The following ATP8B2 variants were observed in gnomAD, a reference collection of about 807,000 sequenced individuals.
ATP8B2 encodes the protein phospholipid-transporting ATPase ID.
ATP8B2 carries 70 observed loss-of-function variants against 133.4 expected under a neutral mutation model. That is an observed-to-expected ratio of 0.52 (90% CI 0.43 to 0.64). The LOEUF is 0.64. Ranked by LOEUF, ATP8B2 falls within the 30% of genes least tolerant of loss-of-function variation. ATP8B2 has a pLI of 0.00. For synonymous variants in ATP8B2, 517 were observed against 589.5 expected (o/e 0.88, Z 1.78); for missense variants, 1,101 against 1,535.7 (o/e 0.72, Z 4.73).
At chr1:154,338,019 A>C (rs767804) in intron 12 of ATP8B2, among the ~76,000 whole-genome samples, 18,997 of 152,276 alleles carry the variant, frequency 0.12, 1,266 homozygotes, top group Middle Eastern at 0.19. Flanking sequence ...GCAGATGGAT[A>C]GGTCGAGGAG....
rs1037745120 is a variant in ATP8B2 at position 154,331,196 on chromosome 1, C to T, written c.303+50C>T. ...TTGTCCCAGTCACCCACCCCTACTC[C>T]CAGCCCCACCCCCATCTCATGGCCA... On this transcript the variant is annotated intron_variant, in intron 5 of 27. Transcript: ENST00000368489. The surrounding 1 kb of genome is among the most constrained non-coding windows in gnomAD (Gnocchi z 4.8). The T allele has an allele frequency of 2.0e-6, 3 of 1,513,602 alleles. No homozygotes were observed. Among genetic ancestry groups the T allele is most frequent in the Non-Finnish European group, 2.7e-6 (3 of 1,097,286 alleles). 93.8% of individuals were successfully genotyped at this position (1,513,602 alleles called of 1,614,324 possible). A position where few individuals can be genotyped will look rare whatever the true frequency, so the allele number is the denominator to read the frequency against.
chr1:154,344,157 G>A lies in ATP8B2; in HGVS notation c.1938G>A (p.Thr646=), dbSNP rs748370624. 50 of 1,614,088 alleles carry A rather than the reference G, an allele frequency of 3.1e-5. 1 individual carries two copies. The highest frequency in any genetic ancestry group is 2.7e-4 in the South Asian group (25 of 91,090). ...GGTATTTTCAGCTGCTGGGTGCAAC[G>A]GCCATTGAGGACAAACTTCAGCAAG... ...VENNMMLLGA[T]AIEDKLQQGV... is the part of the protein sequence containing the mutation. Residue 646 remains threonine, a synonymous_variant, in exon 19 of 28, where the codon ACG becomes ACA. Coordinates refer to ENST00000368489, the MANE Select transcript of ATP8B2 (RefSeq NM_001370597.1). The surrounding 1 kb of genome is among the most constrained non-coding windows in gnomAD (Gnocchi z 4.1).
intron 11 of ATP8B2, among the ~76,000 whole-genome samples, chr1:154,335,481 T>C (rs1686146528): frequency 1.3e-5 from 2 of 149,508 alleles, no homozygotes; most frequent in African/African-American, 4.9e-5. Context: ...CATTTGAGCC[T>C]AGGAGTTCGA....
chr1:154,330,434 A>C lies in ATP8B2; in HGVS notation c.70A>C (p.Asn24His). ...RRARANDREYNEKFQYASNCI... is the reference protein window; with the variant it reads ...RRARANDREYHEKFQYASNCI... Reference sequence around the variant, plus strand: ...GGCGCGGGCTAATGACCGAGAATACAATGAGAAATTCCAGTATGCGGTAAG... The same window carrying C: ...GGCGCGGGCTAATGACCGAGAATACCATGAGAAATTCCAGTATGCGGTAAG... The change falls in exon 3 of 28, where the codon AAT becomes CAT. Residue 24 changes from asparagine to histidine, a missense_variant. By Grantham distance (68) the Asn-to-His change is moderately conservative. Coordinates refer to ENST00000368489, the MANE Select transcript of ATP8B2 (RefSeq NM_001370597.1). 6.2e-7 allele frequency: 1 copy of C among 1,614,050 alleles called. No individual in the cohort carries two copies. The highest frequency in any genetic ancestry group is 1.1e-5 in the South Asian group (1 of 91,084).
rs760346202 is a variant in ATP8B2 at position 154,348,795 on chromosome 1, A to G, written c.3295-45A>G. ...GGTCCCTTCTCCTTGGCGATATCTG[A>G]CACCTCCACGCTGACAGAGGGCTCT... On this transcript the variant is annotated intron_variant, in intron 27 of 27. Coordinates refer to ENST00000368489, the MANE Select transcript of ATP8B2 (RefSeq NM_001370597.1). 4 of 1,521,500 alleles carry G rather than the reference A, an allele frequency of 2.6e-6. No homozygotes were observed. The Admixed American group carries it at 8.1e-5, about 31-fold the overall frequency. 94.2% of individuals were successfully genotyped at this position (1,521,500 alleles called of 1,614,324 possible). A position where few individuals can be genotyped will look rare whatever the true frequency, so the allele number is the denominator to read the frequency against.
rs1686744578 is a variant in ATP8B2 at position 154,350,364 on chromosome 1, C to T, written c.*1246C>T. 6.6e-6 allele frequency: 1 copy of T among 152,228 alleles called. No homozygotes were observed. Among genetic ancestry groups the T allele is most frequent in the African/African-American group, 2.4e-5 (1 of 41,428 alleles). The allele number at this position is 152,228 out of a possible 1,614,324, so 9.4% of individuals were successfully genotyped here. A position where few individuals can be genotyped will look rare whatever the true frequency, so the allele number is the denominator to read the frequency against. On this transcript the variant is annotated 3_prime_UTR_variant, in exon 28 of 28. Transcript: ENST00000368489. ...GATTACAGGCGTGAGCCACCACACC[C>T]AGCTCAGGGAGGCGTAGTTTTCTTT...
chr1:154,330,359 GT>G, intron 2 of ATP8B2, 36 bp from the exon 3 acceptor site: 1 of 1,601,380 alleles, frequency 6.2e-7, no homozygotes, highest in Non-Finnish European at 8.5e-7. Flanking sequence ...CCAGACCTCA[GT>G]TTGCTCCTCC....
chr1:154,337,807 G>A, intron 12 of ATP8B2: 2 of 1,299,102 alleles, frequency 1.5e-6, no homozygotes, highest in South Asian at 1.7e-5. Flanking sequence ...GTACAAAGAA[G>A]TGTGCTAGGT....
rs1432134709 is a variant in ATP8B2, at chr1:154,345,677, G to A, written c.2695-123G>A. 3.0e-6 allele frequency: 4 copies of A among 1,315,492 alleles called. No individual in the cohort carries two copies. In the African/African-American group the frequency reaches 5.9e-5, roughly 19 times the overall value. The allele number at this position is 1,315,492 out of a possible 1,614,324, so 81.5% of individuals were successfully genotyped here. On this transcript the variant is annotated intron_variant, in intron 23 of 27. Coordinates refer to ENST00000368489, the MANE Select transcript of ATP8B2 (RefSeq NM_001370597.1). The surrounding 1 kb of genome is among the most constrained non-coding windows in gnomAD (Gnocchi z 5.6). ...ATACTCTTAAAAAATGCTTATTAAA[G>A]GAGGAGAGAAGGAGCCTCAGAAAAT...
intron 11 of ATP8B2, among the ~76,000 whole-genome samples, chr1:154,335,224 T>C (rs1011399794): frequency 6.6e-6 from 1 of 152,202 alleles, no homozygotes; most frequent in Non-Finnish European, 1.5e-5. Context: ...CGAGGTTGTC[T>C]ATCACATAAG....
At chr1:154,333,414 G>T (rs1053434276) in intron 9 of ATP8B2, among the ~76,000 whole-genome samples, 3 of 151,484 alleles carry the variant, frequency 2.0e-5, no homozygotes, top group Admixed American at 2.0e-4. Context: ...TGAGGCATGA[G>T]AGTTGCTTGA....
rs747730826 is a variant in ATP8B2, at chr1:154,343,524, C to T, written c.1714C>T (p.His572Tyr). The T allele has an allele frequency of 1.2e-5, 20 of 1,613,984 alleles. No homozygotes were observed. Among genetic ancestry groups the T allele is most frequent in the Middle Eastern group, 1.6e-4 (1 of 6,084 alleles). Residue 572 changes from histidine (H) to tyrosine (Y), a missense_variant, in exon 17 of 28, where the codon CAC (histidine) becomes TAC (tyrosine). His to Tyr is a moderately conservative substitution (Grantham distance 83, BLOSUM62 2). Transcript: ENST00000368489. The surrounding 1 kb of genome is among the most constrained non-coding windows in gnomAD (Gnocchi z 5.8). Reference sequence around the variant, plus strand: ...CACTATCCTACTGGACAGACTGCACCACTCCACTCAAGAGCTGCTCAACAC... The same window carrying T: ...CACTATCCTACTGGACAGACTGCACTACTCCACTCAAGAGCTGCTCAACAC... ...ADTILLDRLH[H>Y]STQELLNTTM... is the part of the protein sequence containing the mutation.
At chr1:154,341,148 G>T in intron 13 of ATP8B2, 86 bp downstream of exon 13, 6 of 1,413,848 alleles carry the variant, frequency 4.2e-6, no homozygotes, top group Non-Finnish European at 4.9e-6. Context: ...CTTAACATTG[G>T]TTTTTTCTTC....
chr1:154,338,809 C>T (rs1310805177), intron 12 of ATP8B2: 2 of 151,640 alleles, frequency 1.3e-5, no homozygotes, highest in African/African-American at 4.8e-5. Context: ...CCCTCCCCCA[C>T]AAAAAGAAAA....
In ATP8B2 at chr1:154,340,704, C is replaced by T; in HGVS notation, c.1035-150C>T. On this transcript the variant is annotated intron_variant, in intron 12 of 27. Coordinates refer to ENST00000368489, the MANE Select transcript of ATP8B2 (RefSeq NM_001370597.1). This position sits in a 1 kb window ranked among gnomAD's most constrained non-coding sequence, Gnocchi z 4.0. ...GTGCAGCCGGCTCCACCTTCAGGCT[C>T]TCCTTGCCCTTTCCCACCCAGGTTT... is the stretch of plus-strand genomic sequence containing the variant. 1 of 736,816 alleles carries T rather than the reference C, an allele frequency of 1.4e-6. No individual in the cohort carries two copies. The highest frequency in any genetic ancestry group is 1.7e-5 in the South Asian group (1 of 57,720). 45.6% of individuals were successfully genotyped at this position (736,816 alleles called of 1,614,324 possible).
At position 154,346,538 on chromosome 1, in the gene ATP8B2, C is replaced by A; in HGVS notation, c.3024+62C>A. 1 of 1,606,336 alleles carries A rather than the reference C, an allele frequency of 6.2e-7. No homozygotes were observed. Among genetic ancestry groups the A allele is most frequent in the South Asian group, 1.1e-5 (1 of 89,948 alleles). On this transcript the variant is annotated intron_variant, in intron 25 of 27. Transcript: ENST00000368489. This position sits in a 1 kb window ranked among gnomAD's most constrained non-coding sequence, Gnocchi z 4.5. ...AGGAGTGAGCCTTCTGTCCCTGGGG[C>A]TGCCCTGGGCACCACAGTTCTGTTT...
chr1:154,331,882 A>G lies in ATP8B2; in HGVS notation c.439-72A>G. 6.8e-7 allele frequency: 1 copy of G among 1,479,492 alleles called. No homozygotes were observed. The allele number at this position is 1,479,492 out of a possible 1,614,324, so 91.6% of individuals were successfully genotyped here. A position where few individuals can be genotyped will look rare whatever the true frequency, so the allele number is the denominator to read the frequency against. On this transcript the variant is annotated intron_variant, in intron 7 of 27. Coordinates refer to ENST00000368489, the MANE Select transcript of ATP8B2 (RefSeq NM_001370597.1). The surrounding 1 kb of genome is among the most constrained non-coding windows in gnomAD (Gnocchi z 4.8). The stretch of plus-strand genomic sequence containing the variant: ...AAGCAAACCAAGAATGCTTAGTGGA[A>G]GGAGCCACCATTACAGCCCACTGGG...
intron 13 of ATP8B2, 125 bp from the exon 14 acceptor site, chr1:154,342,355 A>G (rs924273970): frequency 1.7e-5 from 16 of 933,024 alleles, no homozygotes; most frequent in Non-Finnish European, 2.6e-5. Flanking sequence ...ACACTGTGAC[A>G]GCTGCTCAGC....
chr1:154,343,377 C>T lies in ATP8B2; in HGVS notation c.1642+76C>T. 6.2e-7 allele frequency: 1 copy of T among 1,604,196 alleles called. No homozygotes were observed. ...GGAATGGGTGAAGTGTGCCGGGTGA[C>T]TCTTGATGTGTTTATGTTGGGGGTC... On this transcript the variant is annotated intron_variant, in intron 16 of 27. Coordinates refer to ENST00000368489, the MANE Select transcript of ATP8B2 (RefSeq NM_001370597.1). This position sits in a 1 kb window ranked among gnomAD's most constrained non-coding sequence, Gnocchi z 5.8.
Sources: allele counts gnomAD v4.1 joint callset (sites outside exome capture counted in the v4.1 genomes callset), GRCh38; gene constraint gnomAD v4.1.1; non-coding constraint Gnocchi (gnomAD v3.1); transcripts MANE v1.5; gene names NCBI Gene and HGNC (gene_info 2026-07-23, HGNC 2026-07-21).